CHD6: variants seen among roughly 807,000 people sequenced by gnomAD.
The protein encoded by CHD6 is ATP-dependent chromatin remodeler CHD6.
A neutral mutation model predicts 276.9 loss-of-function variants in CHD6; 50 were observed. The observed-to-expected ratio is 0.18, with a 90% CI of 0.14 to 0.23. The LOEUF is 0.23. Ranked by LOEUF, CHD6 falls within the 10% of genes least tolerant of loss-of-function variation. CHD6 has a pLI of 1.00. For synonymous variants in CHD6, 1,173 were observed against 1,229.3 expected (o/e 0.95, Z 0.96); for missense variants, 2,564 against 3,365.8 (o/e 0.76, Z 5.89).
At position 41,408,522 on chromosome 20, in the gene CHD6, T is replaced by C. The variant is rs147265976; in HGVS notation, c.7252-3033A>G. Among the ~76,000 whole-genome samples, 496 of 152,156 alleles carry C rather than the reference T, an allele frequency of 3.3e-3. 2 individuals are homozygous for C. Among genetic ancestry groups the C allele is most frequent in the African/African-American group, 0.011 (467 of 41,488 alleles). ...TCTGTCTTGAGCTCATCAATGCAAA[T>C]CGTCTCATTCTGGGCCAGCCACTCT... On this transcript the variant is annotated intron_variant, in intron 36 of 36. Transcript: ENST00000373233.
chr20:41,511,973 ATT>A (rs11332008), intron 5 of CHD6, among the ~76,000 whole-genome samples: 47 of 150,572 alleles, frequency 3.1e-4, no homozygotes, highest in Admixed American at 2.6e-4. Context: ...AGACTTTTAC[ATT>A]TTTTTTTTCT....
At chr20:41,480,222 C>T (rs778126466) in intron 16 of CHD6, among the ~76,000 whole-genome samples, 24 of 152,166 alleles carry the variant, frequency 1.6e-4, no homozygotes, top group Non-Finnish European at 2.5e-4. Flanking sequence ...AGGCAGATCA[C>T]AGCTGACAAC....
chr20:41,566,275 A>G (rs559367207), intron 1 of CHD6, among the ~76,000 whole-genome samples: 3 of 152,302 alleles, frequency 2.0e-5, no homozygotes, highest in African/African-American at 7.2e-5. Flanking sequence ...TCTCCCTGAC[A>G]GATTGCATTT....
intron 1 of CHD6, among the ~76,000 whole-genome samples, chr20:41,561,460 T>C (rs557596608): frequency 1.3e-5 from 2 of 152,268 alleles, no homozygotes; most frequent in Admixed American, 6.5e-5. Context: ...CTTGGGTCAT[T>C]ATAGGTAGAG....
At chr20:41,438,388 G>A (rs1600857427) in intron 26 of CHD6, among the ~76,000 whole-genome samples, 1 of 151,970 alleles carries the variant, frequency 6.6e-6, no homozygotes. Context: ...TCAGGAGTTC[G>A]AGACCAGCCT....
rs2046586651 is a variant in CHD6 at position 41,403,530 on chromosome 20, AGTAACTTTTCATAGCTGT to A, written c.*1045_*1062del. On this transcript the variant is annotated 3_prime_UTR_variant, in exon 37 of 37. Transcript: ENST00000373233. ...AACAGAATGGAGAAATTAATGGAGA[AGTAACTTTTCATAGCTGT>A]ATTATAAAGGGTGGCACACATTTGA... The A allele has an allele frequency of 9.4e-7, 1 of 1,063,044 alleles. No individual in the cohort carries two copies. 65.9% of individuals were successfully genotyped at this position (1,063,044 alleles called of 1,614,324 possible). A position where few individuals can be genotyped will look rare whatever the true frequency, so the allele number is the denominator to read the frequency against.
intron 13 of CHD6, 78 bp from the exon 14 acceptor site, chr20:41,487,886 G>C: frequency 6.7e-7 from 1 of 1,483,088 alleles, no homozygotes; most frequent in Non-Finnish European, 9.2e-7. Context: ...AATTAAGCCA[G>C]GGCATTGAGT....
intron 3 of CHD6, among the ~76,000 whole-genome samples, chr20:41,522,218 T>C (rs2044417361): frequency 6.6e-6 from 1 of 152,074 alleles, no homozygotes; most frequent in Admixed American, 6.6e-5. Context: ...TGATGGTGCA[T>C]GCCTGTAGTC....
intron 1 of CHD6, among the ~76,000 whole-genome samples, chr20:41,585,817 T>G (rs771100081): frequency 3.0e-4 from 45 of 152,130 alleles, no homozygotes; most frequent in Non-Finnish European, 5.4e-4. Context: ...TTAAACTCCT[T>G]AACAAAGTAC....
At chr20:41,530,571 T>C (rs1052118965) in intron 3 of CHD6, among the ~76,000 whole-genome samples, 6 of 152,194 alleles carry the variant, frequency 3.9e-5, no homozygotes, top group Admixed American at 2.0e-4. Context: ...TGTGTGTATA[T>C]ATATACATGT....
chr20:41,530,264 T>C (rs2044649782), intron 3 of CHD6, among the ~76,000 whole-genome samples: 1 of 152,092 alleles, frequency 6.6e-6, no homozygotes, highest in Admixed American at 6.5e-5. Flanking sequence ...CGATCTGATT[T>C]ACCACCACCA....
intron 1 of CHD6, among the ~76,000 whole-genome samples, chr20:41,554,206 T>C (rs1358554357): frequency 1.3e-5 from 2 of 152,064 alleles, no homozygotes; most frequent in African/African-American, 4.8e-5. Flanking sequence ...AAAATTACTT[T>C]TGTAATGTAT....
At chr20:41,479,778 T>C (rs2043254192) in intron 16 of CHD6, among the ~76,000 whole-genome samples, 1 of 152,178 alleles carries the variant, frequency 6.6e-6, no homozygotes, top group Admixed American at 6.5e-5. Context: ...TTCCCCAGCA[T>C]CTGAACTTAG....
At chr20:41,522,630 T>C (rs1459483859) in intron 3 of CHD6, among the ~76,000 whole-genome samples, 1 of 152,042 alleles carries the variant, frequency 6.6e-6, no homozygotes, top group Non-Finnish European at 1.5e-5. Context: ...TTGCAACTGG[T>C]TCAGGAAACA....
rs1179405320 is a variant in CHD6 at position 41,582,622 on chromosome 20, G to A, written c.-23-31262C>T. 2.6e-5 allele frequency among the ~76,000 whole-genome samples: 4 copies of A among 152,118 alleles called. No homozygotes were observed. The East Asian group carries it at 7.7e-4, about 29-fold the overall frequency. On this transcript the variant is annotated intron_variant, in intron 1 of 36. Transcript: ENST00000373233. Reference sequence around the variant, plus strand: ...CATATGAAAAAGCAAAAGCAGGGAAGAACCCATATCAAAAGACAAACCAAA... The same window carrying A: ...CATATGAAAAAGCAAAAGCAGGGAAAAACCCATATCAAAAGACAAACCAAA...
Position 41,484,524 on chromosome 20 carries a change from T to C in CHD6, c.2085A>G (p.Gln695=). The part of the protein sequence containing the change: ...DDVEKNLAPK[Q]ETIIEVELTN... Reference sequence around the variant, plus strand: ...TCAGTTCCACCTCAATGATCGTCTCTTGTTTGGGAGCAAGGTTCTTTTCCA... The same window carrying C: ...TCAGTTCCACCTCAATGATCGTCTCCTGTTTGGGAGCAAGGTTCTTTTCCA... The change falls in exon 15 of 37, where the codon CAA becomes CAG. Residue 695 remains glutamine, a synonymous_variant. Transcript: ENST00000373233. The C allele has an allele frequency of 6.2e-7, 1 of 1,613,764 alleles. No homozygotes were observed.
intron 16 of CHD6, among the ~76,000 whole-genome samples, chr20:41,478,565 CAG>C (rs1391080583): frequency 5.3e-5 from 8 of 152,094 alleles, no homozygotes; most frequent in African/African-American, 1.9e-4. Flanking sequence ...CTAAGACTGC[CAG>C]AGAGTGAGAG....
At chr20:41,559,832 A>C (rs749055482) in intron 1 of CHD6, among the ~76,000 whole-genome samples, 13 of 151,910 alleles carry the variant, frequency 8.6e-5, no homozygotes, top group Non-Finnish European at 1.9e-4. Flanking sequence ...AAAGAACCCC[A>C]CAACTCTTCC....
At chr20:41,564,051 A>T in intron 1 of CHD6, 1 of 779,588 alleles carries the variant, frequency 1.3e-6, no homozygotes, top group Non-Finnish European at 2.4e-6. Context: ...TCTGAACACA[A>T]GCGTTGTGGG....
Sources: allele counts gnomAD v4.1 joint callset (sites outside exome capture counted in the v4.1 genomes callset), GRCh38; gene constraint gnomAD v4.1.1; transcripts MANE v1.5; gene names NCBI Gene and HGNC (gene_info 2026-07-23, HGNC 2026-07-21).